Variants in RALGPS1 observed in about 807,000 individuals in gnomAD.
RALGPS1 encodes the protein Ral GEF with PH domain and SH3 binding motif 1, also known as ras-specific guanine nucleotide-releasing factor RalGPS1.
Under a neutral mutation model 78.8 loss-of-function variants are expected in RALGPS1, and 19 were observed. The observed-to-expected ratio is 0.24, with a 90% CI of 0.17 to 0.35. RALGPS1 has a LOEUF of 0.35. RALGPS1 is among the 10% of genes least tolerant of loss of function. The probability of loss-of-function intolerance (pLI) is 1.00; values close to 1 mark genes in which losing one functional copy is unlikely to be tolerated. For synonymous variants in RALGPS1, 228 were observed against 256.3 expected (o/e 0.89, Z 1.06); for missense variants, 454 against 688.3 (o/e 0.66, Z 3.81).
chr9:127,038,277 A>G (rs374973783), intron 5 of RALGPS1, among the ~76,000 whole-genome samples: 5 of 152,320 alleles, frequency 3.3e-5, no homozygotes, highest in African/African-American at 9.6e-5. Flanking sequence ...ATCTAATTCA[A>G]TTTTCACGTG....
chr9:126,991,734 G>A (rs1020912552), intron 4 of RALGPS1, among the ~76,000 whole-genome samples: 10 of 152,296 alleles, frequency 6.6e-5, no homozygotes, highest in South Asian at 4.2e-4. Flanking sequence ...TCTGTAAAGT[G>A]GAAATGATAC....
intron 6 of RALGPS1, among the ~76,000 whole-genome samples, chr9:127,052,282 C>T (rs2048360573): frequency 2.0e-5 from 3 of 152,210 alleles, no homozygotes; most frequent in Admixed American, 6.5e-5. Context: ...CACTTACACT[C>T]GACTGTGTCT....
At position 126,925,824 on chromosome 9, in the gene RALGPS1, T is replaced by C. The variant is rs538627662; in HGVS notation, c.-66+10849T>C. The stretch of plus-strand genomic sequence containing the variant: ...AGACAGCTTACCAGAGGAAGGGGCC[T>C]TTAAGCTGACACCTGAAAGATGAAT... On this transcript the variant is annotated intron_variant, in intron 1 of 18. Coordinates refer to ENST00000259351, the MANE Select transcript of RALGPS1 (RefSeq NM_014636.3). Among the ~76,000 whole-genome samples the C allele has an allele frequency of 2.0e-5, 3 of 152,312 alleles. No individual in the cohort carries two copies. In the East Asian group the frequency reaches 5.8e-4, roughly 29 times the overall value.
At chr9:127,009,373 C>T (rs1381556633) in intron 4 of RALGPS1, among the ~76,000 whole-genome samples, 1 of 152,188 alleles carries the variant, frequency 6.6e-6, no homozygotes, top group Admixed American at 6.5e-5. Flanking sequence ...TCAGATTTCT[C>T]AACACCTGTG....
chr9:127,050,786 A>G (rs1273288082), intron 6 of RALGPS1, among the ~76,000 whole-genome samples: 1 of 152,114 alleles, frequency 6.6e-6, no homozygotes, highest in Non-Finnish European at 1.5e-5. Flanking sequence ...TCAACCACCC[A>G]GGCTTGCCTG....
chr9:127,140,837 A>G (rs1588132395), intron 8 of RALGPS1, among the ~76,000 whole-genome samples: 1 of 152,290 alleles, frequency 6.6e-6, no homozygotes, highest in African/African-American at 2.4e-5. Context: ...AGGGTGGAAC[A>G]TGGAGGTGAT....
Position 127,108,596 on chromosome 9 carries a change from G to A in RALGPS1, c.610+39240G>A, listed in dbSNP as rs758697631. On this transcript the variant is annotated intron_variant, in intron 8 of 18. Transcript: ENST00000259351. Reference sequence around the variant, plus strand: ...CACTTGTCCTGGGACTCGCCCGCCCGCTTGTACCTGTTTAGGTAAATGAAC... The same window carrying A: ...CACTTGTCCTGGGACTCGCCCGCCCACTTGTACCTGTTTAGGTAAATGAAC... 1.2e-5 allele frequency: 19 copies of A among 1,613,398 alleles called. 1 individual carries two copies. The highest frequency in any genetic ancestry group is 7.7e-5 in the South Asian group (7 of 90,992).
intron 1 of RALGPS1, among the ~76,000 whole-genome samples, chr9:126,944,817 T>G (rs1307374765): frequency 6.6e-6 from 1 of 152,194 alleles, no homozygotes; most frequent in African/African-American, 2.4e-5. Context: ...GGATCCAGTC[T>G]AGGGTCCCTC....
At chr9:127,201,777 C>T (rs545123979) in intron 14 of RALGPS1, among the ~76,000 whole-genome samples, 35 of 152,340 alleles carry the variant, frequency 2.3e-4, no homozygotes, top group African/African-American at 7.9e-4. Context: ...CTCCCTCTCC[C>T]TCAGAAGACT....
intron 8 of RALGPS1, among the ~76,000 whole-genome samples, chr9:127,159,171 C>G (rs1289921782): frequency 6.6e-6 from 1 of 152,168 alleles, no homozygotes; most frequent in Non-Finnish European, 1.5e-5. Flanking sequence ...TCTCCTCATG[C>G]CCCTTCTTAC....
At chr9:126,995,627 CAG>C (rs2042673444) in intron 4 of RALGPS1, among the ~76,000 whole-genome samples, 1 of 152,024 alleles carries the variant, frequency 6.6e-6, no homozygotes, top group South Asian at 2.1e-4. Context: ...ATCAACGAGA[CAG>C]AAAGTTAACA....
At chr9:126,959,580 T>C (rs754580763) in intron 1 of RALGPS1, among the ~76,000 whole-genome samples, 6 of 145,380 alleles carry the variant, frequency 4.1e-5, no homozygotes, top group Non-Finnish European at 9.1e-5. Flanking sequence ...GGAAAAACTT[T>C]ACCTGACCAG....
At chr9:127,173,999 C>CGA (rs1268977334) in intron 10 of RALGPS1, among the ~76,000 whole-genome samples, 1 of 151,976 alleles carries the variant, frequency 6.6e-6, no homozygotes. Flanking sequence ...GGCGACAGAG[C>CGA]GAGACTCTGT....
At chr9:127,110,091 G>T (rs1427488959) in intron 8 of RALGPS1, among the ~76,000 whole-genome samples, 1 of 152,026 alleles carries the variant, frequency 6.6e-6, no homozygotes, top group Non-Finnish European at 1.5e-5. Flanking sequence ...GCATTTCTCT[G>T]CTCCCCTTTT....
At chr9:127,065,922 A>G (rs958806098) in intron 7 of RALGPS1, among the ~76,000 whole-genome samples, 1 of 152,240 alleles carries the variant, frequency 6.6e-6, no homozygotes, top group Non-Finnish European at 1.5e-5. Context: ...GATGTCTTCT[A>G]GTGACTTATG....
intron 8 of RALGPS1, among the ~76,000 whole-genome samples, chr9:127,073,355 G>A (rs2050371508): frequency 6.6e-6 from 1 of 151,810 alleles, no homozygotes; most frequent in Non-Finnish European, 1.5e-5. Context: ...TCTGTGCCTG[G>A]CTTATTTCAC....
At chr9:127,066,039 T>C (rs1303137565) in intron 7 of RALGPS1, among the ~76,000 whole-genome samples, 1 of 151,940 alleles carries the variant, frequency 6.6e-6, no homozygotes, top group Non-Finnish European at 1.5e-5. Context: ...TCTGTGTGAG[T>C]GTGTGGGGCA....
At chr9:126,938,154 C>G (rs191039208) in intron 1 of RALGPS1, among the ~76,000 whole-genome samples, 4 of 152,196 alleles carry the variant, frequency 2.6e-5, no homozygotes, top group Non-Finnish European at 5.9e-5. Context: ...TTCTGCATCA[C>G]TGTTTATAGT....
At chr9:127,111,116 A>T (rs2054768792) in intron 8 of RALGPS1, among the ~76,000 whole-genome samples, 1 of 152,004 alleles carries the variant, frequency 6.6e-6, no homozygotes, top group South Asian at 2.1e-4. Context: ...CATCTCCTCC[A>T]ACCACCTGGT....
Sources: allele counts gnomAD v4.1 joint callset (sites outside exome capture counted in the v4.1 genomes callset), GRCh38; gene constraint gnomAD v4.1.1; transcripts MANE v1.5; gene names NCBI Gene and HGNC (gene_info 2026-07-23, HGNC 2026-07-21).